The following MAST2 variants were observed in gnomAD, a reference collection of about 807,000 sequenced individuals.
The protein encoded by MAST2 is microtubule-associated serine/threonine-protein kinase 2.
A neutral mutation model predicts 147.4 loss-of-function variants in MAST2; 70 were observed. The observed-to-expected ratio is 0.47, with a 90% CI of 0.39 to 0.58. The LOEUF (loss-of-function observed/expected upper bound fraction) is 0.58, where lower values mean the gene tolerates loss of function less well. MAST2 is among the 20% of genes least tolerant of loss of function. The pLI, the probability that MAST2 is intolerant of heterozygous loss-of-function variation, is 0.00. For synonymous variants in MAST2, 869 were observed against 896.8 expected (o/e 0.97, Z 0.55); for missense variants, 2,080 against 2,302.3 (o/e 0.90, Z 1.98).
At chr1:45,992,129 A>T (rs1644878226) in intron 5 of MAST2, among the ~76,000 whole-genome samples, 1 of 152,150 alleles carries the variant, frequency 6.6e-6, no homozygotes, top group African/African-American at 2.4e-5. Flanking sequence ...TGGAGAAAAA[A>T]TACCCGGATT....
rs763372553 is a variant in MAST2, at chr1:46,035,532, C to T, written c.4863C>T (p.His1621=). Residue 1621 remains histidine, a synonymous_variant, in exon 29 of 29, where the codon CAC becomes CAT. Transcript: ENST00000361297. This position sits in a 1 kb window ranked among gnomAD's most constrained non-coding sequence, Gnocchi z 5.5. Reference sequence around the variant, plus strand: ...CTGAAGGTTGCTGGAAGGCCCAGCACCTCCACACCCAGGCACTAACAGCAC... The same window carrying T: ...CTGAAGGTTGCTGGAAGGCCCAGCATCTCCACACCCAGGCACTAACAGCAC... ...IPPEGCWKAQ[H]LHTQALTALS... is the part of the protein sequence containing the mutation. 1 of 1,613,438 alleles carries T rather than the reference C, an allele frequency of 6.2e-7. No individual in the cohort carries two copies. Among genetic ancestry groups the T allele is most frequent in the Non-Finnish European group, 8.5e-7 (1 of 1,180,004 alleles).
At chr1:45,990,475 G>T (rs1557435637) in intron 5 of MAST2, among the ~76,000 whole-genome samples, 2 of 151,844 alleles carry the variant, frequency 1.3e-5, no homozygotes, top group African/African-American at 4.8e-5. Flanking sequence ...TGTTTTGGGG[G>T]TTGGGGGTTG....
At chr1:46,009,227 G>T (rs891727811) in intron 9 of MAST2, among the ~76,000 whole-genome samples, 4 of 152,044 alleles carry the variant, frequency 2.6e-5, no homozygotes, top group African/African-American at 7.2e-5. Flanking sequence ...GCTAATTTTT[G>T]TATTTTTAGT....
chr1:45,907,463 C>CTT (rs59039717), intron 4 of MAST2, among the ~76,000 whole-genome samples: 42,258 of 140,778 alleles, frequency 0.3, 6,846 homozygotes, highest in African/African-American at 0.42. Flanking sequence ...GCCATTTTAA[C>CTT]TTTTTTTTTT....
At chr1:45,960,162 G>A (rs1199214829) in intron 5 of MAST2, among the ~76,000 whole-genome samples, 1 of 152,098 alleles carries the variant, frequency 6.6e-6, no homozygotes, top group Non-Finnish European at 1.5e-5. Flanking sequence ...CTGGAATATG[G>A]GCTCTTCCCG....
At chr1:45,999,980 A>T (rs1645207539) in intron 6 of MAST2, among the ~76,000 whole-genome samples, 2 of 152,216 alleles carry the variant, frequency 1.3e-5, no homozygotes, top group Non-Finnish European at 2.9e-5. Flanking sequence ...ATAAATTATG[A>T]CAAGCACCAT....
intron 4 of MAST2, among the ~76,000 whole-genome samples, chr1:45,899,896 A>T (rs1230478092): frequency 1.3e-5 from 2 of 151,882 alleles, no homozygotes; most frequent in African/African-American, 4.8e-5. Context: ...GCCCAGCGCG[A>T]TGGCTTACAC....
chr1:45,810,947 G>C (rs1415748760), intron 1 of MAST2, among the ~76,000 whole-genome samples: 2 of 149,330 alleles, frequency 1.3e-5, no homozygotes, highest in African/African-American at 4.9e-5. Flanking sequence ...CCACCTCCCA[G>C]GTTCAAGCTA....
chr1:45,971,411 CAGAG>C (rs1374937986), intron 5 of MAST2, among the ~76,000 whole-genome samples: 1 of 152,182 alleles, frequency 6.6e-6, no homozygotes, highest in Non-Finnish European at 1.5e-5. Flanking sequence ...AGCAAGCAAA[CAGAG>C]AGAGTCAGTG....
chr1:45,996,079 T>A (rs1323644246), intron 5 of MAST2, among the ~76,000 whole-genome samples: 1 of 151,788 alleles, frequency 6.6e-6, no homozygotes, highest in Non-Finnish European at 1.5e-5. Flanking sequence ...ATTTAGTTTT[T>A]TTGCTGCTTT....
chr1:46,033,683 T>C, intron 26 of MAST2, 119 bp from the exon 27 acceptor site: 1 of 1,275,742 alleles, frequency 7.8e-7, no homozygotes, highest in Non-Finnish European at 1.1e-6. Context: ...TCAGATGTGT[T>C]GGTGCAGGGA....
Position 46,025,734 on chromosome 1 carries a change from G to T in MAST2, c.1838G>T (p.Arg613Leu), listed in dbSNP as rs202035324. The T allele has an allele frequency of 6.2e-7, 1 of 1,614,190 alleles. No individual in the cohort carries two copies. Among genetic ancestry groups the T allele is most frequent in the East Asian group, 2.2e-5 (1 of 44,878 alleles). Residue 613 changes from arginine (R) to leucine (L), a missense_variant, in exon 16 of 29, where the codon CGT becomes CTT. Around this residue, in one of 4 missense-constraint regions of MAST2, gnomAD observed 209 missense variants for 309.5 expected, o/e 0.68. Transcript: ENST00000361297. ...NIGALPVDMVRLYFAETVLAL... is the reference protein window; with the variant it reads ...NIGALPVDMVLLYFAETVLAL... Reference sequence around the variant, plus strand: ...GGGGCCCTGCCTGTGGACATGGTGCGTCTATACTTTGCGGAAACTGTGCTG... The same window carrying T: ...GGGGCCCTGCCTGTGGACATGGTGCTTCTATACTTTGCGGAAACTGTGCTG...
chr1:45,811,196 C>G (rs922591913), intron 1 of MAST2, among the ~76,000 whole-genome samples: 1 of 140,894 alleles, frequency 7.1e-6, no homozygotes, highest in African/African-American at 2.7e-5. Flanking sequence ...GACGAAGTCT[C>G]GCTCTTGTCT....
intron 25 of MAST2, 62 bp downstream of exon 25, chr1:46,032,466 G>A: frequency 6.2e-7 from 1 of 1,603,876 alleles, no homozygotes; most frequent in Non-Finnish European, 8.5e-7. Context: ...CTTCCCCTTT[G>A]TGGAGCCCAT....
chr1:45,940,234 C>T (rs1657040781), intron 4 of MAST2, among the ~76,000 whole-genome samples: 1 of 151,948 alleles, frequency 6.6e-6, no homozygotes, highest in African/African-American at 2.4e-5. Flanking sequence ...TTCAGGTGAT[C>T]CACCCGCCTC....
chr1:45,879,457 C>T (rs1031434658), intron 3 of MAST2, among the ~76,000 whole-genome samples: 4 of 151,300 alleles, frequency 2.6e-5, no homozygotes, highest in Admixed American at 2.6e-4. Flanking sequence ...CCTGTAATCC[C>T]AGCTACTTGA....
chr1:46,028,738 G>T, intron 17 of MAST2, 30 bp from the exon 18 acceptor site: 1 of 1,613,398 alleles, frequency 6.2e-7, no homozygotes, highest in Admixed American at 1.7e-5. Context: ...GCCTCAGGAG[G>T]CTGAGCCAGC....
At chr1:45,997,590 C>A in intron 5 of MAST2, 134 bp from the exon 6 acceptor site, 1 of 697,884 alleles carries the variant, frequency 1.4e-6, no homozygotes, top group Non-Finnish European at 2.6e-6. Flanking sequence ...GAAAGAGACT[C>A]ATTAAACTGA....
intron 2 of MAST2, among the ~76,000 whole-genome samples, chr1:45,826,695 A>T (rs905655550): frequency 1.3e-4 from 20 of 152,176 alleles, no homozygotes; most frequent in African/African-American, 4.8e-4. Flanking sequence ...ACTATAGCTT[A>T]TACCTTTCTT....
Sources: allele counts gnomAD v4.1 joint callset (sites outside exome capture counted in the v4.1 genomes callset), GRCh38; gene constraint gnomAD v4.1.1; regional missense constraint gnomAD v4.1.1; non-coding constraint Gnocchi (gnomAD v3.1); transcripts MANE v1.5; gene names NCBI Gene and HGNC (gene_info 2026-07-23, HGNC 2026-07-21).